EIF3L: variants seen among roughly 807,000 people sequenced by gnomAD.
The protein encoded by EIF3L is eIEF associated protein HSPC021.
In EIF3L, 32 loss-of-function variants were observed where a neutral mutation model predicts 74.6. That is an observed-to-expected ratio of 0.43 (90% CI 0.32 to 0.58). The LOEUF is 0.58. Among genes scored for constraint, EIF3L ranks in the 20% least tolerant of loss-of-function variants. The pLI is 0.06. For missense variants in EIF3L, 474 were observed against 707.8 expected, an observed-to-expected ratio of 0.67 and a Z score of 3.75; for synonymous variants, 256 against 254.4, an observed-to-expected ratio of 1.01 and a Z score of -0.06.
In EIF3L at chr22:37,854,136, G is replaced by A. The variant is rs183830224; in HGVS notation, c.294-1429G>A. Among the ~76,000 whole-genome samples the A allele has an allele frequency of 1.2e-4, 19 of 152,218 alleles. No homozygotes were observed. In the East Asian group the frequency reaches 3.7e-3, roughly 29 times the overall value. The stretch of plus-strand genomic sequence containing the variant: ...AAGTATGTTTCTTTAGGGATGGGTG[G>A]GCAGGCAAAGAAAGGATCTAGTAAA... On this transcript the variant is annotated intron_variant, in intron 3 of 12. Transcript: ENST00000652021.
chr22:37,874,461 C>T lies in EIF3L; in HGVS notation c.843C>T (p.His281=). The change falls in exon 9 of 13, where the codon CAC becomes CAT. Residue 281 remains histidine (H), a synonymous_variant. Transcript: ENST00000652021. ...GCCTGGTCGGGCTTCTCCGCCTGCACTCCCTGTTAGGAGATTACTACCAGG... is the reference window on the plus strand; with the variant it reads ...GCCTGGTCGGGCTTCTCCGCCTGCATTCCCTGTTAGGAGATTACTACCAGG... ...YFSLVGLLRL[H]SLLGDYYQAI... 6.2e-7 allele frequency: 1 copy of T among 1,614,200 alleles called. No homozygotes were observed. The highest frequency in any genetic ancestry group is 8.5e-7 in the Non-Finnish European group (1 of 1,180,028).
chr22:37,878,944 TG>T (rs935107220), intron 11 of EIF3L: 6 of 148,504 alleles, frequency 4.0e-5, no homozygotes, highest in African/African-American at 1.0e-4. Context: ...AGTAGTGTTT[TG>T]GTTTTTTTTT....
At chr22:37,860,875 G>A (rs1925819249) in intron 5 of EIF3L, among the ~76,000 whole-genome samples, 1 of 152,090 alleles carries the variant, frequency 6.6e-6, no homozygotes, top group South Asian at 2.1e-4. Context: ...ATCCTACCAT[G>A]ACTTCCCATC....
At chr22:37,857,505 G>T (rs1004134253) in intron 4 of EIF3L, among the ~76,000 whole-genome samples, 1 of 147,656 alleles carries the variant, frequency 6.8e-6, no homozygotes, top group Non-Finnish European at 1.5e-5. Flanking sequence ...CATTTGTTTT[G>T]TTATAGCTAA....
intron 1 of EIF3L, 133 bp from the exon 2 acceptor site, chr22:37,849,882 G>A (rs1211848933): frequency 1.1e-6 from 1 of 920,918 alleles, no homozygotes; most frequent in East Asian, 2.4e-5. Flanking sequence ...AGGCGTGTGA[G>A]TTCCTCAAAG....
chr22:37,879,075 C>G (rs1926910999), intron 11 of EIF3L: 1 of 151,738 alleles, frequency 6.6e-6, no homozygotes, highest in African/African-American at 2.4e-5. Context: ...TCCTGAGTAG[C>G]TGGAATTATA....
intron 7 of EIF3L, among the ~76,000 whole-genome samples, chr22:37,867,870 G>C (rs150068185): frequency 0.05 from 7,475 of 149,830 alleles, 599 homozygotes; most frequent in African/African-American, 0.17. Context: ...CAGGAGAATG[G>C]CGTGAACCCA....
At chr22:37,870,099 T>C in intron 7 of EIF3L, 77 bp from the exon 8 acceptor site, 1 of 1,360,584 alleles carries the variant, frequency 7.3e-7, no homozygotes, top group East Asian at 2.4e-5. Context: ...GAGCATTGCC[T>C]CGTTTTCAGC....
intron 7 of EIF3L, among the ~76,000 whole-genome samples, chr22:37,868,634 C>CTTTTTTTTTTTTTTTTTTTT (rs71195065): frequency 2.4e-4 from 6 of 25,132 alleles, no homozygotes; most frequent in East Asian, 2.3e-3. Flanking sequence ...TGTTTTGGTG[C>CTTTTTTTTTTTTTTTTTTTT]TTTTTTTTTT....
At chr22:37,873,642 C>CT (rs898628510) in intron 8 of EIF3L, among the ~76,000 whole-genome samples, 5 of 151,900 alleles carry the variant, frequency 3.3e-5, no homozygotes, top group Non-Finnish European at 4.4e-5. Context: ...AATTTTCTTT[C>CT]TTTTTTTTGT....
At chr22:37,854,269 TAGTG>T (rs756723865) in intron 3 of EIF3L, among the ~76,000 whole-genome samples, 10 of 152,278 alleles carry the variant, frequency 6.6e-5, no homozygotes, top group Middle Eastern at 3.4e-3. Flanking sequence ...CCAAATGTTT[TAGTG>T]AGGTCCAGAT....
chr22:37,861,948 A>G (rs5995506), intron 5 of EIF3L, among the ~76,000 whole-genome samples: 8,419 of 152,190 alleles, frequency 0.055, 761 homozygotes, highest in African/African-American at 0.19. Context: ...AGCCCTTGGG[A>G]AGCAGTTTTT....
chr22:37,858,600 C>A, intron 4 of EIF3L, 79 bp from the exon 5 acceptor site: 2 of 1,271,330 alleles, frequency 1.6e-6, no homozygotes, highest in Admixed American at 2.0e-5. Flanking sequence ...TACCTTTATT[C>A]CTCCCCACCA....
intron 11 of EIF3L, chr22:37,880,140 T>A (rs1926972655): frequency 6.6e-6 from 1 of 151,598 alleles, no homozygotes; most frequent in East Asian, 1.9e-4. Context: ...TTTTGAGATG[T>A]CTCGCTCTGT....
intron 9 of EIF3L, among the ~76,000 whole-genome samples, chr22:37,875,377 C>T (rs936440358): frequency 6.7e-6 from 1 of 149,508 alleles, no homozygotes; most frequent in Admixed American, 6.7e-5. Context: ...GACTCTGTCC[C>T]AGAAAAAAAA....
intron 4 of EIF3L, among the ~76,000 whole-genome samples, chr22:37,856,733 A>G (rs1925531266): frequency 4.6e-5 from 7 of 151,698 alleles, no homozygotes; most frequent in Admixed American, 4.6e-4. Context: ...AATCCCAGCT[A>G]CTTGGGAGGT....
In EIF3L at chr22:37,874,431, C is replaced by T; in HGVS notation, c.813C>T (p.Tyr271=). 6.2e-7 allele frequency: 1 copy of T among 1,614,172 alleles called. No homozygotes were observed. Among genetic ancestry groups the T allele is most frequent in the Non-Finnish European group, 8.5e-7 (1 of 1,180,024 alleles). ...GRHSLYKMLG[Y]FSLVGLLRLH... ...ACTCCCTCTACAAAATGCTTGGTTA[C>T]TTCAGCCTGGTCGGGCTTCTCCGCC... The change falls in exon 9 of 13, where the codon TAC becomes TAT. Residue 271 remains tyrosine, a synonymous_variant. Transcript: ENST00000652021.
intron 7 of EIF3L, among the ~76,000 whole-genome samples, chr22:37,867,035 T>C (rs1269530968): frequency 1.3e-5 from 2 of 152,154 alleles, no homozygotes; most frequent in Admixed American, 6.6e-5. Flanking sequence ...ACTGTTGGTT[T>C]TTTTGTTTCT....
In EIF3L at chr22:37,859,943, C is replaced by T. The variant is rs543280533; in HGVS notation, c.435+1203C>T. ...AGGAGAATCGCTTGAACCCGGGAAG[C>T]GGAGGTTGCAGTGAGCCGAGATCGT... On this transcript the variant is annotated intron_variant, in intron 5 of 12. Transcript: ENST00000652021. Among the ~76,000 whole-genome samples, 7 of 152,074 alleles carry T rather than the reference C, an allele frequency of 4.6e-5. No individual in the cohort carries two copies. The South Asian group carries it at 6.2e-4, about 14-fold the overall frequency.
Sources: gnomAD v4.1 joint callset for allele counts (sites outside exome capture counted in the v4.1 genomes callset) on GRCh38, gnomAD v4.1.1 for gene constraint, MANE v1.5 for transcripts, NCBI Gene and HGNC (gene_info 2026-07-23, HGNC 2026-07-21) for gene names.